The following AMOTL2 variants were observed in gnomAD, a reference collection of about 807,000 sequenced individuals.
AMOTL2 encodes the protein angiomotin-like protein 2.
In AMOTL2, 33 loss-of-function variants were observed where a neutral mutation model predicts 78.4. The ratio of observed to expected loss-of-function variants is 0.42; its 90% CI spans 0.32 to 0.56. AMOTL2 has a LOEUF of 0.56. Ranked by LOEUF, AMOTL2 falls within the 20% of genes least tolerant of loss-of-function variation. AMOTL2 has a pLI of 0.12. For missense variants in AMOTL2, 983 were observed against 1,030.1 expected, an observed-to-expected ratio of 0.95 and a Z score of 0.63; for synonymous variants, 422 against 428.8, an observed-to-expected ratio of 0.98 and a Z score of 0.20.
chr3:134,371,058 G>C lies in AMOTL2; in HGVS notation c.376C>G (p.Pro126Ala). 1 of 1,609,896 alleles carries C rather than the reference G, an allele frequency of 6.2e-7. No individual in the cohort carries two copies. Among genetic ancestry groups the C allele is most frequent in the Non-Finnish European group, 8.5e-7 (1 of 1,178,204 alleles). ...CGGGGATCTCGGTCCCCCGCATGTG[G>C]CCGGGTCCCTGCCTGCTGGGCCGCA... ...YYAAQQAGTR[P>A]HAGDRDPRGA... is the part of the protein sequence containing the mutation. The change falls in exon 2 of 10, where the codon CCA (proline) becomes GCA (alanine). Residue 126 changes from proline (P) to alanine (A), a missense_variant. By Grantham distance (27) the Pro-to-Ala change is conservative. Coordinates refer to ENST00000249883, the MANE Select transcript of AMOTL2 (RefSeq NM_016201.4).
At chr3:134,375,221 C>T, upstream of AMOTL2, 1 of 1,535,728 alleles carries the variant, frequency 6.5e-7, no homozygotes, top group Non-Finnish European at 8.7e-7. Context: ...GCGCTCTGTC[C>T]AGTTCTTCCC....
At chr3:134,366,179 T>C in intron 4 of AMOTL2, 104 bp downstream of exon 4, 2 of 1,473,950 alleles carry the variant, frequency 1.4e-6, no homozygotes, top group Admixed American at 4.0e-5. Context: ...TGAGTTCATC[T>C]GCACTTTTGA....
intron 5 of AMOTL2, among the ~76,000 whole-genome samples, chr3:134,362,571 T>G (rs146153402): frequency 2.8e-3 from 433 of 152,334 alleles, no homozygotes; most frequent in African/African-American, 0.01. Context: ...CACTGAGATG[T>G]AAGCAACCAG....
At chr3:134,374,982 A>C, upstream of AMOTL2, 1 of 1,414,910 alleles carries the variant, frequency 7.1e-7, no homozygotes, top group Non-Finnish European at 9.2e-7. Flanking sequence ...AAAGACATCC[A>C]TATCCTCTGG....
chr3:134,365,451 G>T (rs1238637358), intron 5 of AMOTL2, among the ~76,000 whole-genome samples: 1 of 152,200 alleles, frequency 6.6e-6, no homozygotes, highest in Middle Eastern at 3.4e-3. Flanking sequence ...GGAACTCCCT[G>T]GGAAGCTCTC....
chr3:134,374,486 C>A (rs914940122), upstream of AMOTL2: 12 of 985,584 alleles, frequency 1.2e-5, no homozygotes, highest in South Asian at 4.7e-5. Flanking sequence ...AGGGTCGGCC[C>A]GCGCCGGAGG....
chr3:134,361,875 C>T, intron 5 of AMOTL2, 68 bp from the exon 6 acceptor site: 1 of 1,347,624 alleles, frequency 7.4e-7, no homozygotes, highest in Non-Finnish European at 9.9e-7. Context: ...CTCCTGGGCT[C>T]AGTGCTGACC....
At position 134,365,954 on chromosome 3, in the gene AMOTL2, C is replaced by T. The variant is rs759165691; in HGVS notation, c.1187-45G>A. ...GATGTTTTAGTGTCAGGTGAAGCTG[C>T]CAGCTTGGGATTTTTCCTGACGTCC... On this transcript the variant is annotated intron_variant, in intron 4 of 9. Coordinates refer to ENST00000249883, the MANE Select transcript of AMOTL2 (RefSeq NM_016201.4). 11 of 1,587,964 alleles carry T rather than the reference C, an allele frequency of 6.9e-6. No individual in the cohort carries two copies. The South Asian group carries it at 1.2e-4, about 18-fold the overall frequency.
At position 134,361,604 on chromosome 3, in the gene AMOTL2, G is replaced by A; in HGVS notation, c.1483C>T (p.Gln495Ter). ...CGCTTCTCACAGGCTGCCTGCAGCT[G>A]CCCGAGCGCCTGCTGCAGCCGCTCC... is the stretch of plus-strand genomic sequence containing the variant. ...KVERLQQALGQLQAACEKREQ... is the reference protein window; with the variant it reads ...KVERLQQALG The change falls in exon 6 of 10, where the codon CAG (glutamine) becomes TAG (stop). Residue 495 changes from glutamine to a stop codon, truncating the protein, a stop_gained. Transcript: ENST00000249883. LOFTEE classifies it high-confidence loss of function. 6.2e-7 allele frequency: 1 copy of A among 1,612,836 alleles called. No homozygotes were observed. Among genetic ancestry groups the A allele is most frequent in the Non-Finnish European group, 8.5e-7 (1 of 1,179,936 alleles).
In AMOTL2 at chr3:134,360,267, C is replaced by T; in HGVS notation, c.1722G>A (p.Leu574=). ...CAAACTGCCTCATGGCACGTTCCTC[C>T]AAATACTTCTGCTCCCACTTGGTCA... ...ADMTKWEQKY[L]EERAMRQFAM... is the part of the protein sequence containing the mutation. The change falls in exon 7 of 10, where the codon TTG becomes TTA. Residue 574 remains leucine, a synonymous_variant. Coordinates refer to ENST00000249883, the MANE Select transcript of AMOTL2 (RefSeq NM_016201.4). 2 of 1,614,248 alleles carry T rather than the reference C, an allele frequency of 1.2e-6. No homozygotes were observed. The highest frequency in any genetic ancestry group is 2.7e-5 in the African/African-American group (2 of 75,068).
At chr3:134,373,751 G>A (rs2107751426) in intron 1 of AMOTL2, 1 of 985,448 alleles carries the variant, frequency 1.0e-6, no homozygotes, top group South Asian at 4.7e-5. Context: ...GGCCCGGAGA[G>A]GTCTTTAAGC....
intron 5 of AMOTL2, among the ~76,000 whole-genome samples, chr3:134,362,536 A>C (rs534327653): frequency 2.6e-5 from 4 of 152,328 alleles, no homozygotes; most frequent in African/African-American, 7.2e-5. Flanking sequence ...TGAGGGCTAC[A>C]TTTCCTTCCA....
At chr3:134,367,934 T>C (rs1460824012) in intron 2 of AMOTL2, 131 bp from the exon 3 acceptor site, 5 of 701,482 alleles carry the variant, frequency 7.1e-6, no homozygotes, top group Non-Finnish European at 1.2e-5. Flanking sequence ...TAATATATTA[T>C]TAAAATTACT....
chr3:134,360,482 C>G, intron 6 of AMOTL2, 69 bp from the exon 7 acceptor site: 1 of 1,308,830 alleles, frequency 7.6e-7, no homozygotes, highest in Non-Finnish European at 1.1e-6. Flanking sequence ...TGGTCTTCGC[C>G]TCCACACGAC....
chr3:134,366,125 T>A (rs964703126), intron 4 of AMOTL2, among the ~76,000 whole-genome samples, 158 bp downstream of exon 4: 2 of 152,286 alleles, frequency 1.3e-5, no homozygotes, highest in East Asian at 3.9e-4. Context: ...GAGACAAGCA[T>A]CTCTCTATCA....
upstream of AMOTL2, chr3:134,375,303 G>A: frequency 6.9e-7 from 1 of 1,456,794 alleles, no homozygotes; most frequent in Non-Finnish European, 9.3e-7. Context: ...CCAGTCATCC[G>A]ATTCAGCCCT....
At chr3:134,368,548 T>C (rs536825967) in intron 2 of AMOTL2, among the ~76,000 whole-genome samples, 1 of 152,312 alleles carries the variant, frequency 6.6e-6, no homozygotes, top group East Asian at 1.9e-4. Context: ...GACTGGGCAT[T>C]GCTCTGTTGC....
At chr3:134,370,564 G>C (rs1403280207) in intron 2 of AMOTL2, 136 bp downstream of exon 2, 1 of 1,163,146 alleles carries the variant, frequency 8.6e-7, no homozygotes, top group African/African-American at 1.5e-5. Context: ...CCAGGCATTA[G>C]CTCTCCCTTC....
chr3:134,364,136 C>T (rs1303649683), intron 5 of AMOTL2, among the ~76,000 whole-genome samples: 3 of 152,116 alleles, frequency 2.0e-5, no homozygotes, highest in Non-Finnish European at 4.4e-5. Context: ...ACGTTCCAGG[C>T]TCCCTTTGTG....
Sources: gnomAD v4.1 joint callset for allele counts (sites outside exome capture counted in the v4.1 genomes callset) on GRCh38, gnomAD v4.1.1 for gene constraint, MANE v1.5 for transcripts, NCBI Gene and HGNC (gene_info 2026-07-23, HGNC 2026-07-21) for gene names.